The following YIPF6 variants were observed in gnomAD, a reference collection of about 807,000 sequenced individuals.
YIPF6 encodes Yip1 domain family member 6.
In YIPF6, 3 loss-of-function variants were observed where a neutral mutation model predicts 16.8. That is an observed-to-expected ratio of 0.18 (90% CI 0.08 to 0.46). The LOEUF (loss-of-function observed/expected upper bound fraction) is 0.46, where lower values mean the gene tolerates loss of function less well. YIPF6 is among the 20% of genes least tolerant of loss of function. The pLI is 0.98. For synonymous variants in YIPF6, 67 were observed against 61.9 expected, an observed-to-expected ratio of 1.08 and a Z score of -0.38; for missense variants, 145 against 184.9, an observed-to-expected ratio of 0.78 and a Z score of 1.25.
chrX:68,507,769 AT>A (rs1300712185), intron 1 of YIPF6, among the ~76,000 whole-genome samples: 4 of 109,036 alleles, frequency 3.7e-5, no homozygotes, highest in Non-Finnish European at 7.6e-5. Context: ...TGCCCAGCTA[AT>A]TTTTTGTATT....
chrX:68,517,024 G>A (rs1002013300), intron 3 of YIPF6, among the ~76,000 whole-genome samples: 3 of 111,236 alleles, frequency 2.7e-5, no homozygotes, highest in Admixed American at 1.9e-4. Context: ...ATTTCACCAT[G>A]TTGGCCAGGC....
At chrX:68,505,325 G>T (rs1247731800) in intron 1 of YIPF6, among the ~76,000 whole-genome samples, 4 of 111,184 alleles carry the variant, frequency 3.6e-5, no homozygotes, top group Non-Finnish European at 7.5e-5. Flanking sequence ...CAGGAGACTC[G>T]CTTGAATCCA....
Position 68,499,088 on chromosome X carries a change from C to G in YIPF6, c.22C>G (p.Pro8Ala). 8.4e-7 allele frequency: 1 copy of G among 1,189,169 alleles called. No individual in the cohort carries two copies. Among genetic ancestry groups the G allele is most frequent in the Non-Finnish European group, 1.1e-6 (1 of 884,068 alleles). The change falls in exon 1 of 7, where the codon CCA (proline) becomes GCA (alanine). Residue 8 changes from proline to alanine, a missense_variant. Physicochemically the swap from Pro to Ala is conservative, Grantham distance 27. Transcript: ENST00000462683. ...CAAGATGGCGGAAGCGGAGGAGTCT[C>G]CAGGAGACCCGGGGACAGCATCGCC... MAEAEES[P>A]GDPGTASPRP...
At chrX:68,514,290 C>G (rs1436424714) in intron 3 of YIPF6, 2 of 105,082 alleles carry the variant, frequency 1.9e-5, no homozygotes, top group Non-Finnish European at 3.9e-5. Flanking sequence ...GTGGTTACTA[C>G]AAAATACATT....
At chrX:68,505,965 A>G (rs1447675707) in intron 1 of YIPF6, among the ~76,000 whole-genome samples, 1 of 111,241 alleles carries the variant, frequency 9.0e-6, no homozygotes, top group Non-Finnish European at 1.9e-5. Context: ...TTTTCCACTT[A>G]TGGCCTTTTT....
chrX:68,525,777 C>G (rs2079145374), intron 6 of YIPF6, among the ~76,000 whole-genome samples: 1 of 111,626 alleles, frequency 9.0e-6, no homozygotes, highest in Non-Finnish European at 1.9e-5. Flanking sequence ...TCAGGCTTGT[C>G]AAAGATCAGA....
chrX:68,530,261 A>G (rs750911070), intron 6 of YIPF6, among the ~76,000 whole-genome samples: 1 of 110,898 alleles, frequency 9.0e-6, no homozygotes, highest in East Asian at 2.9e-4. Context: ...CTTTCTTTAC[A>G]CTGTGAGGGG....
intron 1 of YIPF6, among the ~76,000 whole-genome samples, chrX:68,508,964 G>C (rs2079070004): frequency 9.0e-6 from 1 of 111,223 alleles, no homozygotes; most frequent in Non-Finnish European, 1.9e-5. Context: ...GGTTAAGTCA[G>C]TCTAGTCAGG....
intron 6 of YIPF6, among the ~76,000 whole-genome samples, chrX:68,524,972 T>C (rs1332576451): frequency 8.9e-6 from 1 of 111,891 alleles, no homozygotes; most frequent in Non-Finnish European, 1.9e-5. Flanking sequence ...GCAGTAAACA[T>C]AGGTGTGCAT....
intron 1 of YIPF6, among the ~76,000 whole-genome samples, chrX:68,506,497 C>G (rs369227328): frequency 1.8e-5 from 2 of 109,346 alleles, no homozygotes; most frequent in Non-Finnish European, 3.8e-5. Flanking sequence ...CCCAGAGGTT[C>G]GAGATCAGCC....
intron 5 of YIPF6, 60 bp from the exon 6 acceptor site, chrX:68,522,700 C>A: frequency 9.4e-7 from 1 of 1,060,354 alleles, no homozygotes; most frequent in Non-Finnish European, 1.3e-6. Flanking sequence ...ATGTAATAAG[C>A]TGTGTCATAA....
intron 3 of YIPF6, 70 bp from the exon 4 acceptor site, chrX:68,518,700 G>C: frequency 8.9e-7 from 1 of 1,119,565 alleles, no homozygotes; most frequent in Non-Finnish European, 1.2e-6. Flanking sequence ...AATTCTAGGA[G>C]GGAGAGAGGT....
At chrX:68,530,999 G>A (rs748170204) in intron 6 of YIPF6, among the ~76,000 whole-genome samples, 10 of 111,228 alleles carry the variant, frequency 9.0e-5, no homozygotes, top group East Asian at 2.8e-4. Flanking sequence ...TGGTGCAACC[G>A]TAACATATTG....
intron 5 of YIPF6, among the ~76,000 whole-genome samples, chrX:68,522,096 G>A (rs1375589273): frequency 9.1e-6 from 1 of 110,095 alleles, no homozygotes; most frequent in Non-Finnish European, 1.9e-5. Flanking sequence ...GTACGTTTTG[G>A]GGGGCAAGTG....
chrX:68,532,061 A>G lies in YIPF6; in HGVS notation c.*62A>G. On this transcript the variant is annotated 3_prime_UTR_variant, in exon 7 of 7. Transcript: ENST00000462683. ...GCACATCTGAAAGATGCAATTCACCATGGAGCTTTGTCTCTGGCCCTTATT... is the reference window on the plus strand; with the variant it reads ...GCACATCTGAAAGATGCAATTCACCGTGGAGCTTTGTCTCTGGCCCTTATT... 3.3e-6 allele frequency: 3 copies of G among 902,695 alleles called. No individual in the cohort carries two copies. Among genetic ancestry groups the G allele is most frequent in the East Asian group, 3.1e-5 (1 of 31,998 alleles). 74.4% of individuals were successfully genotyped at this position (902,695 alleles called of 1,213,427 possible).
chrX:68,522,413 C>G (rs781702557), intron 5 of YIPF6, among the ~76,000 whole-genome samples: 5 of 109,961 alleles, frequency 4.5e-5, no homozygotes, highest in Non-Finnish European at 9.5e-5. Flanking sequence ...TTTCCTGCCT[C>G]AGCCTCCTGA....
chrX:68,508,607 G>C (rs1484436839), intron 1 of YIPF6, among the ~76,000 whole-genome samples: 1 of 111,650 alleles, frequency 9.0e-6, no homozygotes, highest in Non-Finnish European at 1.9e-5. Flanking sequence ...TAACTGATAA[G>C]GCTGGCAAAG....
At chrX:68,499,261 A>G (rs905652833) in intron 1 of YIPF6, 138 bp downstream of exon 1, 68 of 802,292 alleles carry the variant, frequency 8.5e-5, no homozygotes, top group Non-Finnish European at 1.2e-4. Flanking sequence ...TGCCAGAACC[A>G]GTCCCAACAC....
chrX:68,516,114 ACT>A (rs1448218539), intron 3 of YIPF6, among the ~76,000 whole-genome samples: 3 of 110,825 alleles, frequency 2.7e-5, no homozygotes, highest in Admixed American at 1.9e-4. Flanking sequence ...AAAGAGGGAA[ACT>A]CTGTCTCAAA....
Sources: allele counts gnomAD v4.1 joint callset (sites outside exome capture counted in the v4.1 genomes callset), GRCh38; gene constraint gnomAD v4.1.1; transcripts MANE v1.5; gene names NCBI Gene and HGNC (gene_info 2026-07-23, HGNC 2026-07-21).